The following CIMIP4 variants were observed in gnomAD, a reference collection of about 807,000 sequenced individuals.
The protein encoded by CIMIP4 is ciliary microtubule inner protein 4, also known as protein EAN57.
At chr22:36,992,541 C>T in the CIMIP4 span, among the ~76,000 whole-genome samples, 4 of 151,934 alleles carry the variant, frequency 2.6e-5, no homozygotes, top group Non-Finnish European at 5.9e-5. Context: ...ATGCCTGGGA[C>T]TTGCTTTGAA....
chr22:37,006,799 G>A, the CIMIP4 span, among the ~76,000 whole-genome samples: 2 of 152,188 alleles, frequency 1.3e-5, no homozygotes, highest in Non-Finnish European at 2.9e-5. Flanking sequence ...GTGTGGACTG[G>A]ACATAGTGAT....
At chr22:36,994,675 G>A in the CIMIP4 span, among the ~76,000 whole-genome samples, 1 of 142,362 alleles carries the variant, frequency 7.0e-6, no homozygotes, top group Non-Finnish European at 1.5e-5. Flanking sequence ...TCTGTCACCA[G>A]GCTGGTGTGC....
chr22:37,004,034 A>C, the CIMIP4 span: 4 of 1,543,418 alleles, frequency 2.6e-6, no homozygotes, highest in Non-Finnish European at 3.5e-6. Context: ...TCCTGTAAAC[A>C]AAGCACCACG....
chr22:37,002,281 G>C, the CIMIP4 span: 2 of 1,435,364 alleles, frequency 1.4e-6, no homozygotes, highest in Non-Finnish European at 1.8e-6. Flanking sequence ...CATTCAGATG[G>C]GCCCTGGTGA....
the CIMIP4 span, among the ~76,000 whole-genome samples, chr22:36,999,153 G>A: frequency 6.6e-6 from 1 of 151,842 alleles, no homozygotes; most frequent in African/African-American, 2.4e-5. Context: ...GCCTCCTACT[G>A]GCAGATTAAG....
the CIMIP4 span, chr22:37,001,953 A>G: frequency 1.2e-6 from 2 of 1,613,900 alleles, no homozygotes; most frequent in Non-Finnish European, 1.7e-6. Flanking sequence ...TGAGCCCCCA[A>G]GCTGGGACCG....
the CIMIP4 span, among the ~76,000 whole-genome samples, chr22:37,001,386 G>T: frequency 6.6e-6 from 1 of 151,716 alleles, no homozygotes. Flanking sequence ...GGATTCAAAC[G>T]CACGTCTTCT....
At chr22:37,000,267 G>A in the CIMIP4 span, among the ~76,000 whole-genome samples, 1 of 152,112 alleles carries the variant, frequency 6.6e-6, no homozygotes, top group African/African-American at 2.4e-5. Context: ...TTGGGACGGG[G>A]GGTCTCTATA....
chr22:37,007,550 T>C, the CIMIP4 span: 3 of 152,236 alleles, frequency 2.0e-5, no homozygotes, highest in African/African-American at 7.2e-5. Flanking sequence ...AATGGAAGTG[T>C]GGACTCACTT....
chr22:36,994,371 T>C, the CIMIP4 span, among the ~76,000 whole-genome samples: 2 of 152,228 alleles, frequency 1.3e-5, no homozygotes, highest in South Asian at 4.2e-4. Flanking sequence ...CAGGCTGGAG[T>C]GCAGTGGCGC....
At chr22:36,998,755 A>G in the CIMIP4 span, among the ~76,000 whole-genome samples, 2 of 152,128 alleles carry the variant, frequency 1.3e-5, no homozygotes, top group Admixed American at 1.3e-4. Flanking sequence ...CACTGATCCA[A>G]TGGAAACCCT....
chr22:36,997,767 C>A, the CIMIP4 span, among the ~76,000 whole-genome samples: 7 of 152,354 alleles, frequency 4.6e-5, no homozygotes, highest in African/African-American at 1.7e-4. Context: ...GAGTAAAGAC[C>A]TTCCAGCAGG....
At chr22:37,002,680 G>A in the CIMIP4 span, among the ~76,000 whole-genome samples, 114 of 152,290 alleles carry the variant, frequency 7.5e-4, 2 homozygotes, top group East Asian at 7.3e-3. Flanking sequence ...CATTTGGATA[G>A]TTCCCTTCCC....
the CIMIP4 span, among the ~76,000 whole-genome samples, chr22:37,004,408 G>A: frequency 1.3e-5 from 2 of 152,132 alleles, no homozygotes; most frequent in South Asian, 4.1e-4. Flanking sequence ...ACCACCCTAG[G>A]AGACCCTAGC....
chr22:36,991,215 A>G, the CIMIP4 span: 7 of 1,614,142 alleles, frequency 4.3e-6, no homozygotes, highest in Non-Finnish European at 5.1e-6. Context: ...TGTTTTCTCC[A>G]TATTTCTCTT....
At chr22:37,001,904 A>G in the CIMIP4 span, 1 of 1,613,028 alleles carries the variant, frequency 6.2e-7, no homozygotes. Flanking sequence ...GTTAGGAATG[A>G]TGCTGCCCTT....
chr22:36,996,153 T>G, the CIMIP4 span, among the ~76,000 whole-genome samples: 1 of 152,044 alleles, frequency 6.6e-6, no homozygotes, highest in African/African-American at 2.4e-5. Flanking sequence ...AAAATGGGAA[T>G]TGTAGCATTT....
At chr22:36,994,779 C>T in the CIMIP4 span, among the ~76,000 whole-genome samples, 6 of 151,962 alleles carry the variant, frequency 3.9e-5, no homozygotes, top group East Asian at 7.7e-4. Context: ...TACAGGCGCC[C>T]GCCACCGCGC....
chr22:36,995,837 A>T, the CIMIP4 span, among the ~76,000 whole-genome samples: 3 of 152,150 alleles, frequency 2.0e-5, no homozygotes, highest in Admixed American at 2.0e-4. Flanking sequence ...CTTTTTCTTT[A>T]TAAATTACCC....
Sources: gnomAD v4.1 joint callset for allele counts (sites outside exome capture counted in the v4.1 genomes callset) on GRCh38, gnomAD v4.1.1 for gene constraint, MANE v1.5 for transcripts, NCBI Gene and HGNC (gene_info 2026-07-23, HGNC 2026-07-21) for gene names.